NGEF: variants seen among roughly 807,000 people sequenced by gnomAD.
The protein encoded by NGEF is neuronal guanine nucleotide exchange factor.
NGEF carries 31 observed loss-of-function variants against 80.9 expected under a neutral mutation model. The observed-to-expected ratio is 0.38, with a 90% CI of 0.29 to 0.52. The LOEUF is 0.52. NGEF is among the 20% of genes least tolerant of loss of function. The pLI is 0.84. For missense variants in NGEF, 709 were observed against 926.2 expected, an observed-to-expected ratio of 0.77 and a Z score of 3.04; for synonymous variants, 371 against 370.2, an observed-to-expected ratio of 1.00 and a Z score of -0.03.
chr2:232,976,342 C>T (rs1168976891), intron 1 of NGEF, among the ~76,000 whole-genome samples: 1 of 152,138 alleles, frequency 6.6e-6, no homozygotes, highest in Admixed American at 6.5e-5. Flanking sequence ...CAGATGCCTC[C>T]TTTCCCACCG....
intron 1 of NGEF, among the ~76,000 whole-genome samples, chr2:232,977,951 G>A (rs1369322161): frequency 3.3e-5 from 5 of 152,146 alleles, no homozygotes; most frequent in East Asian, 1.9e-4. Flanking sequence ...GGTGCCTGGC[G>A]GAATGCCACT....
intron 8 of NGEF, among the ~76,000 whole-genome samples, chr2:232,890,711 C>T (rs1046025560): frequency 3.7e-4 from 57 of 152,162 alleles, no homozygotes; most frequent in African/African-American, 1.3e-3. Context: ...CGGGCCCCCA[C>T]TCCCCGACCC....
At position 232,935,947 on chromosome 2, in the gene NGEF, C is replaced by G. The variant is rs369620608; in HGVS notation, c.384-8761G>C. On this transcript the variant is annotated intron_variant, in intron 3 of 14. Transcript: ENST00000264051. ...AACACAGTAGGTTATTTTTGTCACT[C>G]AGAACACATTTTCTACTTGCTTTGA... Among the ~76,000 whole-genome samples, 4 of 152,248 alleles carry G rather than the reference C, an allele frequency of 2.6e-5. No homozygotes were observed. The East Asian group carries it at 5.8e-4, about 22-fold the overall frequency.
rs116316798 is a variant in NGEF at position 232,978,202 on chromosome 2, C to T, written c.-74-3238G>A. 9.5e-3 allele frequency among the ~76,000 whole-genome samples: 1,443 copies of T among 151,572 alleles called. 23 individuals carry two copies. Among genetic ancestry groups the T allele is most frequent in the Non-Finnish European group, 0.011 (746 of 67,888 alleles). Reference sequence around the variant, plus strand: ...TCAAGGTTATTATTACTATCAGTATCGTCATTATTTTAGGCTGTATCTTAA... The same window carrying T: ...TCAAGGTTATTATTACTATCAGTATTGTCATTATTTTAGGCTGTATCTTAA... On this transcript the variant is annotated intron_variant, in intron 1 of 14. Transcript: ENST00000264051.
intron 3 of NGEF, among the ~76,000 whole-genome samples, chr2:232,946,381 A>G (rs1003193318): frequency 6.6e-6 from 1 of 152,182 alleles, no homozygotes; most frequent in African/African-American, 2.4e-5. Flanking sequence ...AATCACCACT[A>G]AAGAACTTAC....
Position 233,012,025 on chromosome 2 carries a change from G to T in NGEF, c.-75+1043C>A, listed in dbSNP as rs112718766. On this transcript the variant is annotated intron_variant, in intron 1 of 14. Coordinates refer to ENST00000264051, the MANE Select transcript of NGEF (RefSeq NM_019850.3). Reference sequence around the variant, plus strand: ...GCTTCTACTTCCTCAGAGCTAAGCAGTGCCAAGGGGCAGCCTGAGACATGG... The same window carrying T: ...GCTTCTACTTCCTCAGAGCTAAGCATTGCCAAGGGGCAGCCTGAGACATGG... 1.6e-3 allele frequency among the ~76,000 whole-genome samples: 237 copies of T among 152,272 alleles called. 2 individuals carry two copies. Among genetic ancestry groups the T allele is most frequent in the African/African-American group, 5.3e-3 (222 of 41,564 alleles).
chr2:232,912,938 T>C (rs1575012509), intron 5 of NGEF, among the ~76,000 whole-genome samples: 3 of 152,334 alleles, frequency 2.0e-5, no homozygotes, highest in East Asian at 3.9e-4. Context: ...ATTAATCTTT[T>C]CAAAGAATTC....
intron 1 of NGEF, among the ~76,000 whole-genome samples, chr2:233,009,538 C>T (rs1695159219): frequency 6.6e-6 from 1 of 151,810 alleles, no homozygotes. Context: ...GTGGCTCACT[C>T]TTCTAATCCC....
intron 7 of NGEF, among the ~76,000 whole-genome samples, chr2:232,891,970 GGCAGGGACGGCAGGGACAGCAGGGACA>G (rs2106229986): frequency 6.8e-5 from 1 of 14,764 alleles, no homozygotes; most frequent in Non-Finnish European, 1.6e-4. Flanking sequence ...CAGCAGGGAT[GGCAGGGACGGCAGGGACAGCAGGGACA>G]GCAGGGACGG....
intron 9 of NGEF, among the ~76,000 whole-genome samples, chr2:232,887,778 A>G (rs1034704252): frequency 1.3e-5 from 2 of 152,230 alleles, no homozygotes; most frequent in African/African-American, 2.4e-5. Context: ...CATCCATGCC[A>G]GGCACAGTAA....
At chr2:232,901,276 C>T (rs1479235243) in intron 5 of NGEF, 3 of 759,740 alleles carry the variant, frequency 3.9e-6, no homozygotes, top group Non-Finnish European at 4.8e-6. Flanking sequence ...CGGAGTCCCA[C>T]TCCTGCCTCC....
At chr2:232,997,966 C>T (rs551690394) in intron 1 of NGEF, among the ~76,000 whole-genome samples, 3 of 152,322 alleles carry the variant, frequency 2.0e-5, no homozygotes, top group African/African-American at 7.2e-5. Flanking sequence ...GAAACGTGCC[C>T]CGATAGGACA....
At chr2:232,917,840 C>G (rs1463409836) in intron 5 of NGEF, among the ~76,000 whole-genome samples, 2 of 152,200 alleles carry the variant, frequency 1.3e-5, no homozygotes, top group Non-Finnish European at 2.9e-5. Context: ...GTGGCACCAT[C>G]TCGGCGCACT....
intron 3 of NGEF, among the ~76,000 whole-genome samples, chr2:232,958,811 C>A (rs545078066): frequency 6.6e-6 from 1 of 151,990 alleles, no homozygotes; most frequent in Admixed American, 6.6e-5. Context: ...ATAATTAATT[C>A]CCCCAATATT....
rs145060345 is a variant in NGEF at position 232,953,347 on chromosome 2, GAGAA to G, written c.383+16863_383+16866del. Among the ~76,000 whole-genome samples, 994 of 139,768 alleles carry G rather than the reference GAGAA, an allele frequency of 7.1e-3. 15 individuals are homozygous for G. Among genetic ancestry groups the G allele is most frequent in the African/African-American group, 0.021 (829 of 39,288 alleles). 91.7% of individuals were successfully genotyped at this position (139,768 alleles called of 152,430 possible). Reference sequence around the variant, plus strand: ...AAAAAGAAAGAAAAAAAGGGAAAGAGAGAAAGAAAGAAAGAAAGAGAGAGAGAGA... The same window carrying G: ...AAAAAGAAAGAAAAAAAGGGAAAGAGAGAAAGAAAGAAAGAGAGAGAGAGA... On this transcript the variant is annotated intron_variant, in intron 3 of 14. Transcript: ENST00000264051.
At chr2:232,917,151 A>G (rs1692820822) in intron 5 of NGEF, among the ~76,000 whole-genome samples, 1 of 152,264 alleles carries the variant, frequency 6.6e-6, no homozygotes, top group Non-Finnish European at 1.5e-5. Flanking sequence ...CTGAGCTGAA[A>G]GCTCTGAAGA....
chr2:232,964,183 T>C (rs1374431288), intron 3 of NGEF, among the ~76,000 whole-genome samples: 1 of 152,150 alleles, frequency 6.6e-6, no homozygotes, highest in Non-Finnish European at 1.5e-5. Context: ...TATTTGCCTG[T>C]TTTTAATAAA....
intron 1 of NGEF, among the ~76,000 whole-genome samples, chr2:232,990,215 T>C (rs1694623907): frequency 6.6e-6 from 1 of 152,144 alleles, no homozygotes; most frequent in South Asian, 2.1e-4. Context: ...AGGTCCTGAA[T>C]AAGATAGACT....
rs1281604917 is a variant in NGEF at position 232,995,719 on chromosome 2, T to C, written c.-75+17349A>G. 6.2e-5 allele frequency among the ~76,000 whole-genome samples: 9 copies of C among 145,522 alleles called. No individual in the cohort carries two copies. The East Asian group carries it at 1.6e-3, about 26-fold the overall frequency. On this transcript the variant is annotated intron_variant, in intron 1 of 14. Transcript: ENST00000264051. ...TATGTATTATATGTGTATATACATA[T>C]AATATATTATACATATACATATGCA...
Sources: gnomAD v4.1 joint callset for allele counts (sites outside exome capture counted in the v4.1 genomes callset) on GRCh38, gnomAD v4.1.1 for gene constraint, MANE v1.5 for transcripts, NCBI Gene and HGNC (gene_info 2026-07-23, HGNC 2026-07-21) for gene names.